DGKB: variants seen among roughly 807,000 people sequenced by gnomAD.
The protein encoded by DGKB is 90 kDa diacylglycerol kinase.
A neutral mutation model predicts 114.3 loss-of-function variants in DGKB; 67 were observed. That is an observed-to-expected ratio of 0.59 (90% CI 0.48 to 0.72). DGKB has a LOEUF of 0.72. DGKB is among the 30% of genes least tolerant of loss of function. The pLI, the probability that DGKB is intolerant of heterozygous loss-of-function variation, is 0.00. For synonymous variants in DGKB, 398 were observed against 323.1 expected, an observed-to-expected ratio of 1.23 and a Z score of -2.49; for missense variants, 907 against 975.2, an observed-to-expected ratio of 0.93 and a Z score of 0.93.
At chr7:14,663,829 T>C (rs1352100983) in intron 13 of DGKB, among the ~76,000 whole-genome samples, 1 of 151,456 alleles carries the variant, frequency 6.6e-6, no homozygotes, top group Non-Finnish European at 1.5e-5. Flanking sequence ...AAAAACAAAT[T>C]ATCCTTTTCC....
intron 23 of DGKB, among the ~76,000 whole-genome samples, chr7:14,236,066 CA>C (rs1314269527): frequency 6.6e-6 from 1 of 151,662 alleles, no homozygotes; most frequent in South Asian, 2.1e-4. Flanking sequence ...TCCTTTCTGT[CA>C]AAAATTACTG....
chr7:14,468,581 C>CAT (rs934540760), intron 21 of DGKB, among the ~76,000 whole-genome samples: 1 of 148,866 alleles, frequency 6.7e-6, no homozygotes, highest in African/African-American at 2.5e-5. Context: ...ATATCTGTTA[C>CAT]ATATATATAT....
chr7:14,694,256 C>T, intron 8 of DGKB, 62 bp from the exon 9 acceptor site: 5 of 1,424,972 alleles, frequency 3.5e-6, no homozygotes, highest in Non-Finnish European at 4.8e-6. Context: ...TCATAGGCTA[C>T]AACATATGAA....
chr7:14,696,003 T>C (rs1163445561), intron 8 of DGKB, among the ~76,000 whole-genome samples: 1 of 152,178 alleles, frequency 6.6e-6, no homozygotes, highest in Non-Finnish European at 1.5e-5. Context: ...CAAATAATGC[T>C]ATAGTTTATT....
chr7:14,278,957 C>T (rs1057064225), intron 23 of DGKB, among the ~76,000 whole-genome samples: 1 of 152,276 alleles, frequency 6.6e-6, no homozygotes, highest in African/African-American at 2.4e-5. Flanking sequence ...TTCTGCATTT[C>T]CATCTGAGAT....
chr7:14,384,748 C>T (rs1820048242), intron 21 of DGKB, among the ~76,000 whole-genome samples: 1 of 152,202 alleles, frequency 6.6e-6, no homozygotes, highest in Non-Finnish European at 1.5e-5. Context: ...CCAGAGACAT[C>T]TGGTAATATG....
intron 20 of DGKB, among the ~76,000 whole-genome samples, chr7:14,554,306 G>C (rs894348082): frequency 6.6e-6 from 1 of 152,134 alleles, no homozygotes; most frequent in African/African-American, 2.4e-5. Context: ...CCTTAAGATA[G>C]TTTCTGTATT....
At chr7:14,941,227 T>C (rs956721188) in intron 1 of DGKB, among the ~76,000 whole-genome samples, 1 of 152,042 alleles carries the variant, frequency 6.6e-6, no homozygotes. Context: ...ACTTTTCAAG[T>C]GCTTGCAAAA....
rs201264315 is a variant in DGKB at position 14,701,763 on chromosome 7, T to C, written c.467-33A>G. On this transcript the variant is annotated intron_variant, in intron 6 of 25. Coordinates refer to ENST00000402815, the MANE Select transcript of DGKB (RefSeq NM_001350709.2). ...GAAAGAGGTGTTGAAAACAAGATTA[T>C]AGGCAAATAAGATCAATGTTAGTTT... The C allele has an allele frequency of 3.0e-4, 447 of 1,465,618 alleles. 2 individuals carry two copies. Among genetic ancestry groups the C allele is most frequent in the Middle Eastern group, 2.1e-3 (12 of 5,722 alleles). 90.8% of individuals were successfully genotyped at this position (1,465,618 alleles called of 1,614,324 possible).
chr7:14,972,897 T>G (rs1787559440), intron 1 of DGKB, among the ~76,000 whole-genome samples: 1 of 152,090 alleles, frequency 6.6e-6, no homozygotes, highest in African/African-American at 2.4e-5. Context: ...CGTATGTGTG[T>G]ATACATACAT....
At chr7:14,381,964 A>G (rs1318703835) in intron 21 of DGKB, among the ~76,000 whole-genome samples, 2 of 152,238 alleles carry the variant, frequency 1.3e-5, no homozygotes, top group African/African-American at 4.8e-5. Flanking sequence ...TTGTTATAGT[A>G]AAATCTTTTG....
At chr7:14,818,834 G>A (rs1844516279) in intron 2 of DGKB, among the ~76,000 whole-genome samples, 1 of 152,154 alleles carries the variant, frequency 6.6e-6, no homozygotes, top group African/African-American at 2.4e-5. Context: ...ATTAGGGGTG[G>A]TAGGATTTGA....
intron 1 of DGKB, among the ~76,000 whole-genome samples, chr7:14,850,285 T>G (rs560756173): frequency 2.7e-4 from 41 of 152,250 alleles, no homozygotes; most frequent in African/African-American, 9.6e-4. Flanking sequence ...AGTATGATTG[T>G]GAGAAGCAGA....
intron 20 of DGKB, among the ~76,000 whole-genome samples, chr7:14,495,785 G>C (rs2128942587): frequency 6.6e-6 from 1 of 151,828 alleles, no homozygotes; most frequent in Middle Eastern, 3.4e-3. Flanking sequence ...AGCCTAGCTA[G>C]ACAAAGATTC....
At chr7:14,930,875 G>A (rs929220498) in intron 1 of DGKB, among the ~76,000 whole-genome samples, 1 of 152,004 alleles carries the variant, frequency 6.6e-6, no homozygotes, top group Non-Finnish European at 1.5e-5. Flanking sequence ...TTTGAGGGAT[G>A]TTTCTTCTAT....
intron 23 of DGKB, among the ~76,000 whole-genome samples, chr7:14,193,149 G>A (rs1784544414): frequency 6.7e-6 from 1 of 149,036 alleles, no homozygotes; most frequent in Non-Finnish European, 1.5e-5. Context: ...TGGCCTGGGG[G>A]TTAGGGACCC....
intron 13 of DGKB, among the ~76,000 whole-genome samples, chr7:14,645,216 C>T (rs947100699): frequency 5.3e-5 from 8 of 152,066 alleles, no homozygotes; most frequent in African/African-American, 1.9e-4. Flanking sequence ...TCTCTCATTG[C>T]CGAGAGCTTT....
chr7:14,954,808 T>C (rs1395515460), intron 1 of DGKB, among the ~76,000 whole-genome samples: 1 of 152,020 alleles, frequency 6.6e-6, no homozygotes, highest in East Asian at 1.9e-4. Context: ...AACCAGTAAA[T>C]AGTTGGTTAC....
chr7:14,429,565 T>C (rs896436158), intron 21 of DGKB, among the ~76,000 whole-genome samples: 1 of 152,140 alleles, frequency 6.6e-6, no homozygotes, highest in African/African-American at 2.4e-5. Flanking sequence ...GGAAGATATA[T>C]CTGAAGAGTC....
Sources: allele counts gnomAD v4.1 joint callset (sites outside exome capture counted in the v4.1 genomes callset), GRCh38; gene constraint gnomAD v4.1.1; transcripts MANE v1.5; gene names NCBI Gene and HGNC (gene_info 2026-07-23, HGNC 2026-07-21).